The following CEP290 variants were observed in gnomAD, a reference collection of about 807,000 sequenced individuals.
CEP290 encodes centrosomal protein 290, also known as centrosomal protein of 290 kDa.
CEP290 carries 317 observed loss-of-function variants against 344.9 expected under a neutral mutation model. That is an observed-to-expected ratio of 0.92 (90% CI 0.84 to 1.01). The LOEUF (loss-of-function observed/expected upper bound fraction) is 1.01, where lower values mean the gene tolerates loss of function less well. CEP290 is among the 50% of genes least tolerant of loss of function. CEP290 has a pLI of 0.00. For missense variants in CEP290, 2,754 were observed against 2,761.4 expected (o/e 1.00, Z 0.06); for synonymous variants, 932 against 895.8 (o/e 1.04, Z -0.72).
rs1449083631 is a variant in CEP290, at chr12:88,079,075, C to T, written c.5364+17G>A. On this transcript the variant is annotated intron_variant, in intron 39 of 53. Coordinates refer to ENST00000552810, the MANE Select transcript of CEP290 (RefSeq NM_025114.4). ...ATTATCAGAAATTTTGTTACATTAA[C>T]ACGTGTTGATGTTCACCTTTAGCTC... The T allele has an allele frequency of 6.5e-6, 10 of 1,537,262 alleles. No individual in the cohort carries two copies. Among genetic ancestry groups the T allele is most frequent in the Non-Finnish European group, 8.7e-6 (10 of 1,149,734 alleles).
intron 9 of CEP290, 144 bp downstream of exon 9, chr12:88,130,124 T>C: frequency 1.0e-6 from 1 of 961,496 alleles, no homozygotes; most frequent in Non-Finnish European, 1.5e-6. Context: ...ACTTCAAAGA[T>C]GTAATTTATT....
At chr12:88,129,959 T>C in intron 9 of CEP290, 83 bp from the exon 10 acceptor site, 1 of 876,704 alleles carries the variant, frequency 1.1e-6, no homozygotes, top group Non-Finnish European at 1.6e-6. Context: ...AACGCAGCCA[T>C]AAGTGTCCTC....
At chr12:88,055,316 G>C (rs913073791) in intron 50 of CEP290, among the ~76,000 whole-genome samples, 5 of 152,070 alleles carry the variant, frequency 3.3e-5, no homozygotes, top group Non-Finnish European at 5.9e-5. Context: ...GATGTCTCAA[G>C]ATACCAAGAA....
intron 29 of CEP290, among the ~76,000 whole-genome samples, chr12:88,091,406 A>T (rs2037031557): frequency 6.6e-6 from 1 of 151,484 alleles, no homozygotes; most frequent in African/African-American, 2.4e-5. Context: ...AAATTACAAA[A>T]AAAAAAAAAA....
rs975947396 is a variant in CEP290 at position 88,139,570 on chromosome 12, C to T, written c.181-6G>A. On this transcript the variant is annotated splice_region_variant and splice_polypyrimidine_tract_variant and intron_variant, in intron 3 of 53. Transcript: ENST00000552810. ...TCCACTTCTTGAGCTTTCATCTAAA[C>T]ATTAAAAAAAGGTTATTTCAATATG... 6.4e-7 allele frequency: 1 copy of T among 1,558,246 alleles called. No individual in the cohort carries two copies. Among genetic ancestry groups the T allele is most frequent in the East Asian group, 2.4e-5 (1 of 42,552 alleles).
chr12:88,087,797 T>C lies in CEP290; in HGVS notation c.4177A>G (p.Ile1393Val), dbSNP rs2036709987. ...AATAAAACCTTGTTCTGTTGCACAA[T>C]TTCTTCTTCAAGACTGCTGATTGTA... ...ERTISSLEEE[I>V]VQQNKFHEER... The change falls in exon 32 of 54, where the codon ATT becomes GTT. Residue 1393 changes from isoleucine to valine, a missense_variant. By Grantham distance (29) the Ile-to-Val change is conservative. Coordinates refer to ENST00000552810, the MANE Select transcript of CEP290 (RefSeq NM_025114.4). 1.6e-6 allele frequency: 2 copies of C among 1,266,226 alleles called. No individual in the cohort carries two copies. The highest frequency in any genetic ancestry group is 2.0e-6 in the Non-Finnish European group (2 of 981,304). 78.4% of individuals were successfully genotyped at this position (1,266,226 alleles called of 1,614,324 possible).
rs146135784 is a variant in CEP290, at chr12:88,099,213, G to A, written c.2992-2214C>T. Among the ~76,000 whole-genome samples the A allele has an allele frequency of 1.8e-3, 281 of 152,216 alleles. 1 individual carries two copies. The highest frequency in any genetic ancestry group is 6.5e-3 in the African/African-American group (272 of 41,550). Reference sequence around the variant, plus strand: ...TTACATTTGGAAAACAAAAATGGTAGGGAAAAAGAATGACTACAGAATAAC... The same window carrying A: ...TTACATTTGGAAAACAAAAATGGTAAGGAAAAAGAATGACTACAGAATAAC... On this transcript the variant is annotated intron_variant, in intron 26 of 53. Coordinates refer to ENST00000552810, the MANE Select transcript of CEP290 (RefSeq NM_025114.4).
intron 6 of CEP290, among the ~76,000 whole-genome samples, chr12:88,134,156 A>G (rs964041805): frequency 1.3e-5 from 2 of 152,092 alleles, no homozygotes; most frequent in Admixed American, 1.3e-4. Context: ...CATCTACAAA[A>G]CTGAAATAAT....
chr12:88,138,994 A>G, intron 5 of CEP290, 151 bp downstream of exon 5: 1 of 503,280 alleles, frequency 2.0e-6, no homozygotes, highest in Non-Finnish European at 3.6e-6. Flanking sequence ...TAAGGCACAT[A>G]ATAGGCATGT....
At chr12:88,134,609 T>C (rs1004935468) in intron 6 of CEP290, among the ~76,000 whole-genome samples, 2 of 152,158 alleles carry the variant, frequency 1.3e-5, no homozygotes, top group Non-Finnish European at 2.9e-5. Flanking sequence ...TGTTTTCAAA[T>C]CCTACCTTTA....
chr12:88,129,915 T>TA (rs746080447), intron 9 of CEP290, 39 bp from the exon 10 acceptor site: 7 of 1,246,838 alleles, frequency 5.6e-6, no homozygotes, highest in African/African-American at 4.8e-5. Flanking sequence ...AAAGTAATTT[T>TA]AAAAAAACTG....
At chr12:88,125,539 G>A (rs1291634819) in intron 12 of CEP290, among the ~76,000 whole-genome samples, 170 bp from the exon 13 acceptor site, 1 of 151,788 alleles carries the variant, frequency 6.6e-6, no homozygotes, top group Non-Finnish European at 1.5e-5. Flanking sequence ...ACAATGATAG[G>A]TACACTGCTG....
intron 37 of CEP290, among the ~76,000 whole-genome samples, chr12:88,081,493 C>T (rs1403817971): frequency 3.9e-5 from 6 of 152,124 alleles, no homozygotes; most frequent in Admixed American, 1.3e-4. Flanking sequence ...ACACTGCATC[C>T]ATACTGAGAT....
chr12:88,085,787 T>C (rs992925187), intron 34 of CEP290, among the ~76,000 whole-genome samples: 4 of 152,110 alleles, frequency 2.6e-5, no homozygotes, highest in Non-Finnish European at 4.4e-5. Context: ...AGAACTACAA[T>C]TAAATGCTTT....
rs375955381 is a variant in CEP290 at position 88,141,215 on chromosome 12, G to A, written c.93C>T (p.Ser31=). ...TTGACCAATTAAGCACCTTGGATAA[G>A]GAAATCAATAAATTATCTGCCAGTT... ...QEELADNLLI[S]LSKVEVNELK... Residue 31 remains serine, a synonymous_variant, in exon 2 of 54, where the codon TCC becomes TCT. Coordinates refer to ENST00000552810, the MANE Select transcript of CEP290 (RefSeq NM_025114.4). 27 of 1,607,410 alleles carry A rather than the reference G, an allele frequency of 1.7e-5. No individual in the cohort carries two copies. The African/African-American group carries it at 3.3e-4, about 20-fold the overall frequency.
At chr12:88,067,266 G>A (rs2035011040) in intron 44 of CEP290, among the ~76,000 whole-genome samples, 1 of 150,528 alleles carries the variant, frequency 6.6e-6, no homozygotes, top group African/African-American at 2.4e-5. Context: ...AATTTTTGTA[G>A]GAACTAATCA....
chr12:88,099,983 A>T (rs1003483013), intron 26 of CEP290, among the ~76,000 whole-genome samples: 6 of 143,154 alleles, frequency 4.2e-5, no homozygotes, highest in African/African-American at 1.3e-4. Context: ...GGTCTCCTTT[A>T]AAAAAAAAAA....
chr12:88,102,229 T>C (rs1232090401), intron 26 of CEP290, among the ~76,000 whole-genome samples: 2 of 152,222 alleles, frequency 1.3e-5, no homozygotes, highest in South Asian at 2.1e-4. Context: ...TTGTAACTTA[T>C]GATATTCTAC....
intron 35 of CEP290, 30 bp downstream of exon 35, chr12:88,084,556 A>G: frequency 6.4e-7 from 1 of 1,565,630 alleles, no homozygotes; most frequent in South Asian, 1.2e-5. Context: ...ACTAATGGAT[A>G]ACAGCATAAC....
Sources: gnomAD v4.1 joint callset for allele counts (sites outside exome capture counted in the v4.1 genomes callset) on GRCh38, gnomAD v4.1.1 for gene constraint, MANE v1.5 for transcripts, NCBI Gene and HGNC (gene_info 2026-07-23, HGNC 2026-07-21) for gene names.